The following IGSF11 variants were observed in gnomAD, a reference collection of about 807,000 sequenced individuals.
IGSF11 encodes CXADR like 1.
Under a neutral mutation model 41.0 loss-of-function variants are expected in IGSF11, and 22 were observed. That is an observed-to-expected ratio of 0.54 (90% CI 0.38 to 0.77). IGSF11 has a LOEUF of 0.77. Ranked by LOEUF, IGSF11 falls within the 30% of genes least tolerant of loss-of-function variation. IGSF11 has a pLI of 0.00. For missense variants in IGSF11, 444 were observed against 530.8 expected (o/e 0.84, Z 1.61); for synonymous variants, 219 against 201.3 (o/e 1.09, Z -0.74).
At chr3:119,112,064 C>G (rs1450409344) in intron 1 of IGSF11, among the ~76,000 whole-genome samples, 2 of 152,230 alleles carry the variant, frequency 1.3e-5, no homozygotes, top group Non-Finnish European at 2.9e-5. Context: ...CTTGAGGAGG[C>G]AGTCTGCCCA....
intron 4 of IGSF11, among the ~76,000 whole-genome samples, chr3:118,916,207 A>G (rs1941069233): frequency 6.6e-6 from 1 of 151,118 alleles, no homozygotes. Context: ...ACTAACGAGC[A>G]AAATCACCAG....
chr3:118,953,983 A>T (rs1262630294), intron 1 of IGSF11, among the ~76,000 whole-genome samples: 2 of 152,144 alleles, frequency 1.3e-5, no homozygotes, highest in African/African-American at 4.8e-5. Flanking sequence ...CCCTAAGCCA[A>T]CGTCTAGAAA....
intron 1 of IGSF11, among the ~76,000 whole-genome samples, chr3:118,978,255 GC>G (rs928785643): frequency 6.6e-6 from 1 of 152,078 alleles, no homozygotes; most frequent in African/African-American, 2.4e-5. Flanking sequence ...TACCACCAGA[GC>G]CGGCACCCAC....
intron 1 of IGSF11, among the ~76,000 whole-genome samples, chr3:119,027,959 A>G (rs1185677818): frequency 6.6e-6 from 1 of 152,194 alleles, no homozygotes; most frequent in East Asian, 1.9e-4. Flanking sequence ...TGCTTACTAC[A>G]GTACTGCAGC....
intron 3 of IGSF11, among the ~76,000 whole-genome samples, chr3:118,927,435 C>T (rs1031459555): frequency 1.3e-5 from 2 of 152,292 alleles, no homozygotes; most frequent in Admixed American, 1.3e-4. Flanking sequence ...ACTCGGTACT[C>T]AGAGTATTTT....
rs551076051 is a variant in IGSF11, at chr3:118,995,572, T to C, written c.52+38959A>G. On this transcript the variant is annotated intron_variant, in intron 1 of 6. Coordinates refer to ENST00000393775, the MANE Select transcript of IGSF11 (RefSeq NM_001015887.3). ...CTCCAAACAAAAACAACTGACAGAA[T>C]TTCAAGACTGACTAGATGTAGCATA... is the stretch of plus-strand genomic sequence containing the variant. Among the ~76,000 whole-genome samples the C allele has an allele frequency of 7.2e-5, 11 of 152,284 alleles. No individual in the cohort carries two copies. The South Asian group carries it at 2.3e-3, about 32-fold the overall frequency.
At chr3:119,112,079 C>A (rs2077174000) in intron 1 of IGSF11, among the ~76,000 whole-genome samples, 1 of 152,216 alleles carries the variant, frequency 6.6e-6, no homozygotes, top group Non-Finnish European at 1.5e-5. Flanking sequence ...TGCCCATTCT[C>A]AGATCTCAAG....
chr3:119,142,640 G>C (rs1429347080), intron 1 of IGSF11, among the ~76,000 whole-genome samples: 4 of 151,962 alleles, frequency 2.6e-5, no homozygotes, highest in Non-Finnish European at 4.4e-5. Flanking sequence ...CATGGTGGGA[G>C]CTCCAGAAAA....
chr3:118,918,765 G>T (rs1941439546), intron 4 of IGSF11, among the ~76,000 whole-genome samples: 1 of 140,664 alleles, frequency 7.1e-6, no homozygotes, highest in African/African-American at 2.9e-5. Context: ...CTACTTTAAA[G>T]TTCATATGGA....
chr3:119,060,673 T>C (rs538252970), intron 1 of IGSF11, among the ~76,000 whole-genome samples: 22 of 152,320 alleles, frequency 1.4e-4, no homozygotes, highest in African/African-American at 5.1e-4. Flanking sequence ...AGCTCATCAA[T>C]AGTAAAGCTT....
chr3:119,068,916 C>CTTTTTTTTTTTTTTTTTTTTTTTTT (rs66923529), intron 1 of IGSF11, among the ~76,000 whole-genome samples: 1 of 114,140 alleles, frequency 8.8e-6, no homozygotes. Flanking sequence ...TGGTTATTTT[C>CTTTTTTTTTTTTTTTTTTTTTTTTT]TTTTTTTTTT....
chr3:118,937,956 C>G (rs557526403), intron 1 of IGSF11, among the ~76,000 whole-genome samples: 1 of 152,110 alleles, frequency 6.6e-6, no homozygotes, highest in Admixed American at 6.5e-5. Context: ...TTATACTGAA[C>G]TAATGCACAC....
upstream of IGSF11, among the ~76,000 whole-genome samples, chr3:119,105,856 C>T (rs1017915030): frequency 3.3e-5 from 5 of 152,132 alleles, no homozygotes; most frequent in African/African-American, 1.2e-4. Context: ...TAGTTAAGGT[C>T]CCTTTTTGCC....
chr3:119,123,418 T>C (rs1299074275), intron 1 of IGSF11, among the ~76,000 whole-genome samples: 1 of 152,190 alleles, frequency 6.6e-6, no homozygotes, highest in Non-Finnish European at 1.5e-5. Context: ...GCACCTGAGG[T>C]AACTCACTGA....
intron 1 of IGSF11, among the ~76,000 whole-genome samples, chr3:119,048,836 G>A (rs1400547012): frequency 6.6e-6 from 1 of 151,976 alleles, no homozygotes; most frequent in Non-Finnish European, 1.5e-5. Flanking sequence ...TGCAAGGCTG[G>A]TTCAATATAT....
At chr3:118,980,115 C>T (rs918155072) in intron 1 of IGSF11, among the ~76,000 whole-genome samples, 5 of 151,918 alleles carry the variant, frequency 3.3e-5, no homozygotes, top group African/African-American at 1.2e-4. Context: ...ATTCAAAAAA[C>T]AACAACAACA....
rs569831558 is a variant in IGSF11 at position 119,059,687 on chromosome 3, C to T, written c.49+45457G>A. ...TTTTTAACTGCCAAGCTTTTTTTTC[C>T]TGCTAAGCATCAAGACCTTCTTCGA... On this transcript the variant is annotated intron_variant, in intron 1 of 6. Coordinates refer to the IGSF11 transcript ENST00000354673. 2.6e-5 allele frequency among the ~76,000 whole-genome samples: 4 copies of T among 151,726 alleles called. No homozygotes were observed. In the South Asian group the frequency reaches 8.3e-4, roughly 32 times the overall value.
At chr3:119,092,775 T>C (rs1343595480) in intron 1 of IGSF11, among the ~76,000 whole-genome samples, 3 of 152,150 alleles carry the variant, frequency 2.0e-5, no homozygotes, top group Admixed American at 1.3e-4. Flanking sequence ...AGATATACCA[T>C]TTTTTTCATC....
chr3:118,911,251 G>T (rs1576335290), intron 4 of IGSF11, among the ~76,000 whole-genome samples: 1 of 150,094 alleles, frequency 6.7e-6, no homozygotes, highest in East Asian at 1.9e-4. Context: ...TCATGTCAGA[G>T]GGCAAAAAAA....
Sources: gnomAD v4.1 joint callset for allele counts (sites outside exome capture counted in the v4.1 genomes callset) on GRCh38, gnomAD v4.1.1 for gene constraint, MANE v1.5 for transcripts, NCBI Gene and HGNC (gene_info 2026-07-23, HGNC 2026-07-21) for gene names.